PACRG: variants seen among roughly 807,000 people sequenced by gnomAD.
PACRG encodes parkin coregulated, also known as parkin coregulated gene protein.
In PACRG, 29 loss-of-function variants were observed where a neutral mutation model predicts 29.7. The observed-to-expected ratio is 0.98, with a 90% confidence interval of 0.73 to 1.33. The LOEUF is 1.33. Ranked by LOEUF, PACRG falls within the 40% of genes most tolerant of loss-of-function variation. The pLI is 0.00. For synonymous variants in PACRG, 116 were observed against 118.7 expected (o/e 0.98, Z 0.15); for missense variants, 279 against 316.2 (o/e 0.88, Z 0.89).
chr6:163,094,590 G>A (rs1364816553), intron 4 of PACRG, among the ~76,000 whole-genome samples: 2 of 152,156 alleles, frequency 1.3e-5, no homozygotes, highest in Admixed American at 6.6e-5. Context: ...TTACTTCCAC[G>A]AAGGCAAAAT....
At chr6:163,253,054 T>C (rs1782969578) in intron 4 of PACRG, among the ~76,000 whole-genome samples, 3 of 151,600 alleles carry the variant, frequency 2.0e-5, no homozygotes, top group Admixed American at 2.0e-4. Flanking sequence ...CCCAGCACTT[T>C]GGGAGGCTGA....
chr6:163,003,524 A>C (rs949004302), intron 2 of PACRG, among the ~76,000 whole-genome samples: 7 of 152,180 alleles, frequency 4.6e-5, no homozygotes, highest in African/African-American at 9.7e-5. Context: ...GAAAGGAAAC[A>C]TTTCCAACTC....
intron 2 of PACRG, among the ~76,000 whole-genome samples, chr6:162,827,994 G>A (rs142393420): frequency 3.9e-5 from 6 of 152,122 alleles, no homozygotes; most frequent in African/African-American, 1.4e-4. Context: ...AGAAGAACTG[G>A]AGCAGGGTTA....
At chr6:162,947,621 T>TATAATCATATATATATATATATATAATC (rs1554313383) in intron 2 of PACRG, among the ~76,000 whole-genome samples, 1 of 47,938 alleles carries the variant, frequency 2.1e-5, no homozygotes, top group Non-Finnish European at 4.1e-5. Flanking sequence ...CATATATATA[T>TATAATCATATATATATATATATATAATC]ATATATATAT....
At chr6:162,849,196 TA>T (rs1790658097) in intron 2 of PACRG, among the ~76,000 whole-genome samples, 3 of 151,886 alleles carry the variant, frequency 2.0e-5, no homozygotes, top group South Asian at 4.1e-4. Context: ...AAGGGATGGT[TA>T]AAAAGAAAAA....
intron 1 of PACRG, among the ~76,000 whole-genome samples, chr6:162,774,368 G>A (rs1783477133): frequency 1.3e-5 from 2 of 152,210 alleles, no homozygotes; most frequent in East Asian, 1.9e-4. Context: ...GCATTTAATT[G>A]TGTTTCTTTA....
chr6:162,862,230 C>T (rs1380182092), intron 2 of PACRG, among the ~76,000 whole-genome samples: 3 of 152,140 alleles, frequency 2.0e-5, no homozygotes, highest in Non-Finnish European at 4.4e-5. Context: ...AATTCCAATT[C>T]CCCCTTGTAC....
intron 2 of PACRG, among the ~76,000 whole-genome samples, chr6:163,052,220 ACT>A (rs1810090815): frequency 6.6e-6 from 1 of 152,160 alleles, no homozygotes; most frequent in Non-Finnish European, 1.5e-5. Flanking sequence ...GTTGAGAAAC[ACT>A]GTTAAGTCTT....
In PACRG at chr6:162,814,202, C is replaced by T; in HGVS notation, c.212C>T (p.Ala71Val). The T allele has an allele frequency of 6.2e-7, 1 of 1,613,832 alleles. No individual in the cohort carries two copies. The highest frequency in any genetic ancestry group is 8.5e-7 in the Non-Finnish European group (1 of 1,179,864). The change falls in exon 2 of 5, where the codon GCA becomes GTA. Residue 71 changes from alanine (A) to valine (V), a missense_variant. By Grantham distance (64) the Ala-to-Val change is moderately conservative. Transcript: ENST00000366888. ...AFKERPTKPT[A>V]FRKFYERGDF... is the part of the protein sequence containing the mutation. ...AAAGAAAGACCAACCAAGCCCACAG[C>T]ATTTCGAAAATTCTATGAGCGAGGT...
At chr6:163,053,806 C>T (rs1420805146) in intron 2 of PACRG, 2 of 152,154 alleles carry the variant, frequency 1.3e-5, no homozygotes, top group Non-Finnish European at 2.9e-5. Flanking sequence ...CTATCCTAGG[C>T]ACAGCCACTC....
chr6:162,933,230 T>C (rs1186216729), intron 2 of PACRG, among the ~76,000 whole-genome samples: 1 of 152,186 alleles, frequency 6.6e-6, no homozygotes, highest in African/African-American at 2.4e-5. Flanking sequence ...AGGACTTTCA[T>C]TTCTTGAAAT....
chr6:163,010,100 G>A (rs924247464), intron 2 of PACRG, among the ~76,000 whole-genome samples: 3 of 150,432 alleles, frequency 2.0e-5, no homozygotes, highest in Non-Finnish European at 4.4e-5. Flanking sequence ...ATAAAACTGC[G>A]ATTCCCTTAG....
chr6:162,866,082 T>C (rs887094850), intron 2 of PACRG, among the ~76,000 whole-genome samples: 4 of 152,200 alleles, frequency 2.6e-5, no homozygotes, highest in Admixed American at 6.5e-5. Flanking sequence ...CAATGAAAGA[T>C]TGAAGCAGAA....
intron 2 of PACRG, among the ~76,000 whole-genome samples, chr6:163,008,329 A>G (rs1025296941): frequency 1.3e-5 from 2 of 152,036 alleles, no homozygotes; most frequent in Admixed American, 1.3e-4. Flanking sequence ...ATCAAAGCCA[A>G]CCTAACAACA....
intron 4 of PACRG, among the ~76,000 whole-genome samples, chr6:163,192,439 T>C (rs1421712505): frequency 6.6e-6 from 1 of 152,230 alleles, no homozygotes; most frequent in Admixed American, 6.5e-5. Context: ...GGACAAGCTG[T>C]ATTTTCCCCT....
At chr6:162,943,093 C>G (rs1364508574) in intron 2 of PACRG, among the ~76,000 whole-genome samples, 1 of 152,214 alleles carries the variant, frequency 6.6e-6, no homozygotes, top group Non-Finnish European at 1.5e-5. Flanking sequence ...TCAACCCCTG[C>G]AGGCTCTGAG....
At chr6:163,120,774 C>A (rs1327453576) in intron 4 of PACRG, among the ~76,000 whole-genome samples, 2 of 152,182 alleles carry the variant, frequency 1.3e-5, no homozygotes, top group Non-Finnish European at 2.9e-5. Flanking sequence ...GTCTCCATGG[C>A]ATCCCTGGAT....
intron 4 of PACRG, among the ~76,000 whole-genome samples, chr6:163,124,742 A>G (rs539086651): frequency 6.6e-6 from 1 of 152,306 alleles, no homozygotes; most frequent in East Asian, 1.9e-4. Context: ...GGCATCTTGC[A>G]TGCTGGCACC....
intron 4 of PACRG, among the ~76,000 whole-genome samples, chr6:163,253,389 T>G (rs1234150449): frequency 6.6e-6 from 1 of 152,042 alleles, no homozygotes; most frequent in Non-Finnish European, 1.5e-5. Flanking sequence ...AATATAATTC[T>G]ATTAATAAAA....
Sources: allele counts gnomAD v4.1 joint callset (sites outside exome capture counted in the v4.1 genomes callset), GRCh38; gene constraint gnomAD v4.1.1; transcripts MANE v1.5; gene names NCBI Gene and HGNC (gene_info 2026-07-23, HGNC 2026-07-21).